Variants in ATP8A1 observed in about 807,000 individuals in gnomAD.
The protein encoded by ATP8A1 is ATPase phospholipid transporting 8A1.
A neutral mutation model predicts 177.7 loss-of-function variants in ATP8A1; 90 were observed. The observed-to-expected ratio is 0.51, with a 90% CI of 0.43 to 0.60. The LOEUF is 0.60. ATP8A1 is among the 20% of genes least tolerant of loss of function. ATP8A1 has a pLI of 0.00. For synonymous variants in ATP8A1, 493 were observed against 485.9 expected (o/e 1.01, Z -0.19); for missense variants, 1,072 against 1,392.8 (o/e 0.77, Z 3.67).
intron 5 of ATP8A1, among the ~76,000 whole-genome samples, chr4:42,611,244 T>C (rs1736338689): frequency 3.5e-5 from 1 of 28,908 alleles, no homozygotes; most frequent in South Asian, 3.2e-3. Flanking sequence ...GATGTAGCTC[T>C]GGGGAAGGAA....
intron 22 of ATP8A1, among the ~76,000 whole-genome samples, chr4:42,512,919 G>A (rs187075415): frequency 5.3e-5 from 8 of 152,298 alleles, no homozygotes; most frequent in Admixed American, 2.0e-4. Flanking sequence ...GGTGAATACT[G>A]TAAAGTTTGA....
chr4:42,632,560 G>A (rs1379058469), intron 1 of ATP8A1, among the ~76,000 whole-genome samples: 1 of 152,128 alleles, frequency 6.6e-6, no homozygotes, highest in Non-Finnish European at 1.5e-5. Flanking sequence ...ATAGTCACAT[G>A]TAACTTTTAA....
Position 42,567,626 on chromosome 4 carries a change from CTA to C in ATP8A1, c.1340+1533_1340+1534del, listed in dbSNP as rs1299870025. The stretch of plus-strand genomic sequence containing the variant: ...CATTACTATCTAAGCTTATATGTAA[CTA>C]TAAGTGGAAATGTACAAGCAATTTA... On this transcript the variant is annotated intron_variant, in intron 15 of 36. Transcript: ENST00000381668. Among the ~76,000 whole-genome samples the C allele has an allele frequency of 2.6e-5, 4 of 152,264 alleles. No homozygotes were observed. The East Asian group carries it at 5.8e-4, about 22-fold the overall frequency.
At chr4:42,465,315 GAGAATGCTTTGTTAAACATTAGCCTGCC>G (rs1719617594) in intron 25 of ATP8A1, among the ~76,000 whole-genome samples, 1 of 152,186 alleles carries the variant, frequency 6.6e-6, no homozygotes, top group Non-Finnish European at 1.5e-5. Context: ...ATCTAGAAGA[GAGAATGCTTTGTTAAACATTAGCCTGCC>G]AGAATGCCTT....
Position 42,591,793 on chromosome 4 carries a change from T to C in ATP8A1, c.451-909A>G, listed in dbSNP as rs577542721. Among the ~76,000 whole-genome samples, 20 of 152,286 alleles carry C rather than the reference T, an allele frequency of 1.3e-4. No homozygotes were observed. In the South Asian group the frequency reaches 3.3e-3, roughly 25 times the overall value. On this transcript the variant is annotated intron_variant, in intron 6 of 36. Coordinates refer to ENST00000381668, the MANE Select transcript of ATP8A1 (RefSeq NM_006095.2). ...CCATGTTCATGCTTTAATTTCAAAC[T>C]ACCTCACAGAAGATGTACTCTTAGT...
intron 24 of ATP8A1, among the ~76,000 whole-genome samples, chr4:42,498,141 C>T (rs1723470762): frequency 6.6e-6 from 1 of 152,178 alleles, no homozygotes. Context: ...TTGTATGAGA[C>T]TCATGGGACA....
intron 31 of ATP8A1, among the ~76,000 whole-genome samples, 171 bp downstream of exon 31, chr4:42,446,412 A>G (rs1717259290): frequency 6.6e-6 from 1 of 152,180 alleles, no homozygotes; most frequent in South Asian, 2.1e-4. Flanking sequence ...ATTTGATAAA[A>G]ATGAAATAAG....
chr4:42,448,824 T>G (rs10470750), intron 30 of ATP8A1, among the ~76,000 whole-genome samples: 47,548 of 137,010 alleles, frequency 0.35, 8,584 homozygotes, highest in Middle Eastern at 0.48. Context: ...ACTTTGTACT[T>G]TGCGTTTTTT....
chr4:42,508,820 G>C (rs1724709697), intron 22 of ATP8A1, among the ~76,000 whole-genome samples: 1 of 152,160 alleles, frequency 6.6e-6, no homozygotes, highest in African/African-American at 2.4e-5. Flanking sequence ...ATGGATGCAA[G>C]GGAATGAATG....
At chr4:42,418,631 A>G (rs1713516703) in intron 35 of ATP8A1, among the ~76,000 whole-genome samples, 1 of 152,204 alleles carries the variant, frequency 6.6e-6, no homozygotes, top group South Asian at 2.1e-4. Flanking sequence ...GGTTTGGGTT[A>G]TTTTAAACCT....
intron 25 of ATP8A1, chr4:42,472,033 T>A (rs1205589235): frequency 1.4e-6 from 1 of 721,152 alleles, no homozygotes; most frequent in African/African-American, 1.7e-5. Context: ...TTCCAGAAAA[T>A]CCAACTCTGG....
At chr4:42,534,192 C>G (rs1272152297) in intron 20 of ATP8A1, among the ~76,000 whole-genome samples, 2 of 152,096 alleles carry the variant, frequency 1.3e-5, no homozygotes, top group Admixed American at 1.3e-4. Context: ...TTGCCAGAAA[C>G]AGAATTCAGA....
chr4:42,429,659 G>T (rs1412535018), intron 33 of ATP8A1, among the ~76,000 whole-genome samples: 1 of 151,944 alleles, frequency 6.6e-6, no homozygotes, highest in East Asian at 1.9e-4. Context: ...AAATCTTATT[G>T]GCTTGACTTA....
At chr4:42,608,328 G>GT (rs1284494428) in intron 5 of ATP8A1, among the ~76,000 whole-genome samples, 1 of 141,382 alleles carries the variant, frequency 7.1e-6, no homozygotes, top group Non-Finnish European at 1.5e-5. Flanking sequence ...ACTGCTGAAA[G>GT]TGTCACCGGG....
chr4:42,643,426 T>C (rs1215691521), intron 1 of ATP8A1, among the ~76,000 whole-genome samples: 1 of 152,160 alleles, frequency 6.6e-6, no homozygotes, highest in Non-Finnish European at 1.5e-5. Flanking sequence ...ATCCCAGTGT[T>C]TTCTATTTCG....
intron 33 of ATP8A1, among the ~76,000 whole-genome samples, chr4:42,433,429 G>C (rs4507394): frequency 0.61 from 91,873 of 151,638 alleles, 28,040 homozygotes; most frequent in Middle Eastern, 0.72. Flanking sequence ...TAGGTCCTGA[G>C]ACATAGGCAC....
intron 24 of ATP8A1, among the ~76,000 whole-genome samples, chr4:42,488,630 A>G (rs1261617946): frequency 6.6e-6 from 1 of 152,178 alleles, no homozygotes; most frequent in East Asian, 1.9e-4. Flanking sequence ...AATAAAGTCT[A>G]AACTCCTTAA....
intron 25 of ATP8A1, among the ~76,000 whole-genome samples, chr4:42,468,866 T>C (rs1313223734): frequency 6.6e-6 from 1 of 152,210 alleles, no homozygotes; most frequent in African/African-American, 2.4e-5. Flanking sequence ...TTCTGAAACA[T>C]CAGTTGGTTG....
chr4:42,523,283 C>A (rs1402343137), intron 21 of ATP8A1, among the ~76,000 whole-genome samples: 4 of 152,160 alleles, frequency 2.6e-5, no homozygotes, highest in African/African-American at 4.8e-5. Context: ...CACTTGTCAG[C>A]TACCCAAGGA....
Sources: allele counts gnomAD v4.1 joint callset (sites outside exome capture counted in the v4.1 genomes callset), GRCh38; gene constraint gnomAD v4.1.1; transcripts MANE v1.5; gene names NCBI Gene and HGNC (gene_info 2026-07-23, HGNC 2026-07-21).